CNTN5: variants seen among roughly 807,000 people sequenced by gnomAD.
The protein encoded by CNTN5 is contactin 5.
CNTN5 carries 77 observed loss-of-function variants against 129.1 expected under a neutral mutation model. That is an observed-to-expected ratio of 0.60 (90% CI 0.50 to 0.72). The LOEUF (loss-of-function observed/expected upper bound fraction) is 0.72. Among genes scored for constraint, CNTN5 ranks in the 30% least tolerant of loss-of-function variants. CNTN5 has a pLI of 0.00. For synonymous variants in CNTN5, 509 were observed against 465.6 expected, an observed-to-expected ratio of 1.09 and a Z score of -1.20; for missense variants, 1,478 against 1,328.8, an observed-to-expected ratio of 1.11 and a Z score of -1.75.
intron 3 of CNTN5, among the ~76,000 whole-genome samples, chr11:99,575,822 G>A (rs1191298858): frequency 6.6e-6 from 1 of 152,152 alleles, no homozygotes; most frequent in Non-Finnish European, 1.5e-5. Context: ...AGTCTCCCCA[G>A]GGGTGGAGCT....
At chr11:100,031,490 A>G (rs1232579316) in intron 9 of CNTN5, among the ~76,000 whole-genome samples, 1 of 152,194 alleles carries the variant, frequency 6.6e-6, no homozygotes, top group East Asian at 1.9e-4. Context: ...GCCTGTCCAT[A>G]CAGATAAGAT....
At chr11:99,170,783 A>G (rs973160794) in intron 1 of CNTN5, among the ~76,000 whole-genome samples, 1 of 152,220 alleles carries the variant, frequency 6.6e-6, no homozygotes, top group Non-Finnish European at 1.5e-5. Context: ...CAGCTGCCAC[A>G]TTAGCATTTT....
At chr11:99,787,425 G>T (rs1016510373) in intron 3 of CNTN5, among the ~76,000 whole-genome samples, 1 of 150,548 alleles carries the variant, frequency 6.6e-6, no homozygotes. Context: ...TACTTATAAG[G>T]TATAATATTA....
At chr11:100,259,967 G>A (rs1375789142) in intron 17 of CNTN5, among the ~76,000 whole-genome samples, 5 of 151,266 alleles carry the variant, frequency 3.3e-5, no homozygotes, top group Admixed American at 6.6e-5. Context: ...GAAGGAGATA[G>A]AGAAACAAAA....
chr11:100,356,372 A>C lies in CNTN5; in HGVS notation c.*152A>C. The C allele has an allele frequency of 1.6e-6, 1 of 616,834 alleles. No homozygotes were observed. Among genetic ancestry groups the C allele is most frequent in the South Asian group, 2.0e-5 (1 of 50,694 alleles). 38.2% of individuals were successfully genotyped at this position (616,834 alleles called of 1,614,324 possible). On this transcript the variant is annotated 3_prime_UTR_variant, in exon 25 of 25. Coordinates refer to ENST00000524871, the MANE Select transcript of CNTN5 (RefSeq NM_014361.4). Reference sequence around the variant, plus strand: ...TGAACTTACAGGAGGTTAGGGGGGAAATATTACTTATCCATCAGGTTTCTC... The same window carrying C: ...TGAACTTACAGGAGGTTAGGGGGGACATATTACTTATCCATCAGGTTTCTC...
At chr11:100,348,192 A>G (rs1156721708) in intron 23 of CNTN5, among the ~76,000 whole-genome samples, 5 of 5,282 alleles carry the variant, frequency 9.5e-4, no homozygotes, top group African/African-American at 8.7e-3. Flanking sequence ...CTTACTGTCA[A>G]TAACTATTTT....
chr11:99,767,562 A>G (rs1025827332), intron 3 of CNTN5, among the ~76,000 whole-genome samples: 3 of 151,978 alleles, frequency 2.0e-5, no homozygotes, highest in Admixed American at 6.6e-5. Context: ...TGATATGCAA[A>G]TAAGATTTTT....
intron 1 of CNTN5, among the ~76,000 whole-genome samples, chr11:99,307,088 A>T (rs911837141): frequency 4.6e-5 from 7 of 152,178 alleles, no homozygotes; most frequent in Non-Finnish European, 7.4e-5. Context: ...ATATGAAAAG[A>T]ATTAACATGA....
At chr11:100,340,224 G>T (rs1237645912) in intron 21 of CNTN5, among the ~76,000 whole-genome samples, 1 of 152,198 alleles carries the variant, frequency 6.6e-6, no homozygotes, top group Non-Finnish European at 1.5e-5. Flanking sequence ...CTACAAAGTA[G>T]CAGGTTTTGT....
At position 99,845,164 on chromosome 11, in the gene CNTN5, G is replaced by T. The variant is rs565413501; in HGVS notation, c.479G>T (p.Ser160Ile). The part of the protein sequence containing the change: ...YSLIDGTFII[S>I]NPSEAKDSGH... ...TTGATAGATGGCACCTTCATTATAA[G>T]CAATCCAAGTGAAGCAAAGGATTCT... is the stretch of plus-strand genomic sequence containing the variant. Residue 160 changes from serine (S) to isoleucine (I), a missense_variant, in exon 6 of 25, where the codon AGC becomes ATC. Transcript: ENST00000524871. The T allele has an allele frequency of 7.4e-6, 12 of 1,613,668 alleles. No homozygotes were observed. The Admixed American group carries it at 1.3e-4, about 18-fold the overall frequency.
At chr11:99,806,619 C>T (rs1465694694) in intron 3 of CNTN5, among the ~76,000 whole-genome samples, 2 of 151,796 alleles carry the variant, frequency 1.3e-5, no homozygotes, top group Admixed American at 6.6e-5. Context: ...CCAGCTTGGC[C>T]AACATGGTGA....
At chr11:99,050,332 A>G (rs1864376464) in intron 1 of CNTN5, among the ~76,000 whole-genome samples, 1 of 152,060 alleles carries the variant, frequency 6.6e-6, no homozygotes, top group South Asian at 2.1e-4. Flanking sequence ...TTTAGGGTAA[A>G]GAAAAAAGAA....
intron 18 of CNTN5, among the ~76,000 whole-genome samples, chr11:100,279,697 CT>C (rs915351006): frequency 2.6e-5 from 4 of 151,580 alleles, no homozygotes; most frequent in African/African-American, 9.7e-5. Context: ...TGTGTACTCT[CT>C]TTTTTTCTTA....
chr11:100,154,643 T>C (rs577653219), intron 13 of CNTN5, among the ~76,000 whole-genome samples: 9 of 152,216 alleles, frequency 5.9e-5, no homozygotes, highest in Non-Finnish European at 7.4e-5. Context: ...CCATGAACAG[T>C]GTAAAAGCCC....
intron 1 of CNTN5, among the ~76,000 whole-genome samples, chr11:99,197,090 C>A (rs1200207087): frequency 4.6e-5 from 7 of 151,804 alleles, no homozygotes; most frequent in Admixed American, 4.6e-4. Context: ...TTCAGAAAGT[C>A]AAGAATACAT....
intron 3 of CNTN5, among the ~76,000 whole-genome samples, chr11:99,773,807 A>G (rs1050112826): frequency 6.6e-6 from 1 of 152,078 alleles, no homozygotes; most frequent in African/African-American, 2.4e-5. Flanking sequence ...ATTCAAGTTC[A>G]TGAGCGTGAC....
chr11:99,920,755 T>A (rs1949917326), intron 7 of CNTN5, among the ~76,000 whole-genome samples: 1 of 152,144 alleles, frequency 6.6e-6, no homozygotes, highest in Non-Finnish European at 1.5e-5. Context: ...ATAAGTACAC[T>A]AATCTCATTC....
rs1946754727 is a variant in CNTN5, at chr11:99,509,517, AG to A, written c.-70-46626del. 2.0e-5 allele frequency among the ~76,000 whole-genome samples: 3 copies of A among 152,182 alleles called. No homozygotes were observed. In the South Asian group the frequency reaches 6.2e-4, roughly 31 times the overall value. On this transcript the variant is annotated intron_variant, in intron 2 of 24. Coordinates refer to ENST00000524871, the MANE Select transcript of CNTN5 (RefSeq NM_014361.4). Reference sequence around the variant, plus strand: ...GGCAAAGAGAAAGAGCAAAAAGGGAAGGTGCTGTTGAAATTTTAAAGCAGTC... The same window carrying A: ...GGCAAAGAGAAAGAGCAAAAAGGGAAGTGCTGTTGAAATTTTAAAGCAGTC...
intron 9 of CNTN5, among the ~76,000 whole-genome samples, chr11:100,041,600 G>T (rs1173636756): frequency 6.6e-6 from 1 of 152,194 alleles, no homozygotes; most frequent in Admixed American, 6.5e-5. Context: ...TGGTTTGGAA[G>T]ATAAGAAACA....
Sources: gnomAD v4.1 joint callset for allele counts (sites outside exome capture counted in the v4.1 genomes callset) on GRCh38, gnomAD v4.1.1 for gene constraint, MANE v1.5 for transcripts, NCBI Gene and HGNC (gene_info 2026-07-23, HGNC 2026-07-21) for gene names.